PABPC4L: variants seen among roughly 807,000 people sequenced by gnomAD.
PABPC4L encodes the protein polyadenylate-binding protein 4-like.
For synonymous variants in PABPC4L, 169 were observed against 164.1 expected (o/e 1.03, Z -0.23); for missense variants, 452 against 451.4 (o/e 1.00, Z -0.01).
the PABPC4L span, among the ~76,000 whole-genome samples, chr4:134,032,104 A>AG: frequency 6.6e-6 from 1 of 151,804 alleles, no homozygotes; most frequent in African/African-American, 2.4e-5. Flanking sequence ...TCATACATAC[A>AG]GAAATAAAGG....
At chr4:133,979,103 G>A in the PABPC4L span, among the ~76,000 whole-genome samples, 1 of 152,028 alleles carries the variant, frequency 6.6e-6, no homozygotes, top group Non-Finnish European at 1.5e-5. Context: ...CATGTTCATG[G>A]GTGGGAAAAA....
the PABPC4L span, among the ~76,000 whole-genome samples, chr4:134,061,528 A>C: frequency 6.6e-6 from 1 of 151,928 alleles, no homozygotes; most frequent in Non-Finnish European, 1.5e-5. Context: ...TCTGAGAAGA[A>C]TAAAGAGGGG....
the PABPC4L span, among the ~76,000 whole-genome samples, chr4:134,025,956 A>T: frequency 6.7e-3 from 1,014 of 152,306 alleles, 10 homozygotes; most frequent in African/African-American, 0.023. Flanking sequence ...CCACAGTTGT[A>T]TACAATTAAA....
Position 134,200,495 on chromosome 4 carries a change from T to G in PABPC4L, c.525A>C (p.Arg175=). 6.4e-7 allele frequency: 1 copy of G among 1,551,654 alleles called. No individual in the cohort carries two copies. The highest frequency in any genetic ancestry group is 1.4e-5 in the African/African-American group (1 of 73,154). ...TTCTGAGTTCAGCTTCACGATCTTT[T>G]CGGTTTTTGAATCTGCCAACAAACA... The part of the protein sequence containing the change: ...CKVFVGRFKN[R]KDREAELRSK... The change falls in exon 2 of 2, where the codon CGA becomes CGC. Residue 175 remains arginine (R), a synonymous_variant. Transcript: ENST00000421491.
the PABPC4L span, among the ~76,000 whole-genome samples, chr4:134,093,944 T>G: frequency 6.6e-6 from 1 of 151,596 alleles, no homozygotes; most frequent in African/African-American, 2.4e-5. Flanking sequence ...TTGTAATATA[T>G]ATTTATATTT....
At chr4:134,080,867 A>G in the PABPC4L span, among the ~76,000 whole-genome samples, 1 of 152,176 alleles carries the variant, frequency 6.6e-6, no homozygotes, top group African/African-American at 2.4e-5. Context: ...AAGGTTCCAT[A>G]GGGATGTCTG....
chr4:133,972,763 G>A, the PABPC4L span, among the ~76,000 whole-genome samples: 2 of 152,146 alleles, frequency 1.3e-5, no homozygotes, highest in Non-Finnish European at 2.9e-5. Context: ...TCCCATGAGA[G>A]AGCCTAGAGG....
the PABPC4L span, among the ~76,000 whole-genome samples, chr4:134,114,916 A>G: frequency 2.0e-5 from 3 of 151,890 alleles, no homozygotes; most frequent in Admixed American, 6.6e-5. Flanking sequence ...TAGTCAATTT[A>G]TTTCAAACAT....
chr4:133,954,495 C>G, the PABPC4L span, among the ~76,000 whole-genome samples: 1 of 152,142 alleles, frequency 6.6e-6, no homozygotes, highest in African/African-American at 2.4e-5. Context: ...AACAGCAAAA[C>G]TTTATCATCT....
At chr4:134,042,897 G>A in the PABPC4L span, among the ~76,000 whole-genome samples, 1 of 151,912 alleles carries the variant, frequency 6.6e-6, no homozygotes, top group Non-Finnish European at 1.5e-5. Flanking sequence ...AGATAGGGTG[G>A]CCTATTTTTC....
chr4:134,174,943 G>A, the PABPC4L span, among the ~76,000 whole-genome samples: 1 of 151,990 alleles, frequency 6.6e-6, no homozygotes, highest in Non-Finnish European at 1.5e-5. Context: ...TGTTTCCTAC[G>A]TCTGTCCTTT....
At chr4:134,086,541 C>A in the PABPC4L span, among the ~76,000 whole-genome samples, 2 of 151,798 alleles carry the variant, frequency 1.3e-5, no homozygotes, top group Non-Finnish European at 2.9e-5. Flanking sequence ...GAAGTGGAAC[C>A]CTCTTTTTCA....
At chr4:134,155,847 C>G in the PABPC4L span, among the ~76,000 whole-genome samples, 1 of 151,900 alleles carries the variant, frequency 6.6e-6, no homozygotes, top group African/African-American at 2.4e-5. Flanking sequence ...TGTTATTCAC[C>G]TACAAACTTT....
chr4:134,011,038 C>A, the PABPC4L span, among the ~76,000 whole-genome samples: 1 of 152,040 alleles, frequency 6.6e-6, no homozygotes, highest in Non-Finnish European at 1.5e-5. Flanking sequence ...TAAAGCTATT[C>A]TTTCAGATAC....
chr4:134,069,333 G>A, the PABPC4L span, among the ~76,000 whole-genome samples: 1 of 151,994 alleles, frequency 6.6e-6, no homozygotes, highest in Non-Finnish European at 1.5e-5. Flanking sequence ...ATCTCAGAGG[G>A]GTTCTCTGCA....
At chr4:133,989,848 C>T in the PABPC4L span, among the ~76,000 whole-genome samples, 1 of 152,126 alleles carries the variant, frequency 6.6e-6, no homozygotes. Context: ...GACTCACAAT[C>T]CTGCAGGGCT....
the PABPC4L span, among the ~76,000 whole-genome samples, chr4:134,152,439 C>T: frequency 1.3e-5 from 2 of 152,164 alleles, no homozygotes; most frequent in Non-Finnish European, 2.9e-5. Flanking sequence ...CCCATTTCCA[C>T]AGCTCCACTA....
chr4:133,949,060 A>T, the PABPC4L span, among the ~76,000 whole-genome samples: 1 of 152,122 alleles, frequency 6.6e-6, no homozygotes, highest in South Asian at 2.1e-4. Flanking sequence ...TAAAGTAGCT[A>T]GTTTATTGTG....
At chr4:134,143,256 A>G in the PABPC4L span, among the ~76,000 whole-genome samples, 1 of 150,466 alleles carries the variant, frequency 6.6e-6, no homozygotes, top group African/African-American at 2.4e-5. Flanking sequence ...TCTTAATAAT[A>G]TCTTAATAAT....
Sources: allele counts gnomAD v4.1 joint callset (sites outside exome capture counted in the v4.1 genomes callset), GRCh38; gene constraint gnomAD v4.1.1; transcripts MANE v1.5; gene names NCBI Gene and HGNC (gene_info 2026-07-23, HGNC 2026-07-21).